MALRD1: variants seen among roughly 807,000 people sequenced by gnomAD.
The protein encoded by MALRD1 is MAM and LDL-receptor class A domain-containing protein 1.
MALRD1 carries 247 observed loss-of-function variants against 242.1 expected under a neutral mutation model. The observed-to-expected ratio is 1.02, with a 90% CI of 0.92 to 1.13. The LOEUF is 1.13. MALRD1 is among the 50% of genes most tolerant of loss of function. MALRD1 has a pLI of 0.00. For missense variants in MALRD1, 2,989 were observed against 2,533.1 expected, an observed-to-expected ratio of 1.18 and a Z score of -3.86; for synonymous variants, 995 against 866.6, an observed-to-expected ratio of 1.15 and a Z score of -2.60.
chr10:19,641,832 A>G (rs1840396486), intron 36 of MALRD1, among the ~76,000 whole-genome samples: 1 of 152,176 alleles, frequency 6.6e-6, no homozygotes, highest in African/African-American at 2.4e-5. Context: ...GCTTCCCCAG[A>G]GTGAAATTGT....
chr10:19,695,950 A>G (rs926955799), intron 38 of MALRD1, among the ~76,000 whole-genome samples: 1 of 152,202 alleles, frequency 6.6e-6, no homozygotes, highest in Non-Finnish European at 1.5e-5. Flanking sequence ...ACTCACTCCC[A>G]TGATTCAATT....
rs368364089 is a variant in MALRD1, at chr10:19,437,049, T to G, written c.4846-13258T>G. ...ATTTGAGGGGGAATATAATGATTCT[T>G]CAAACACTGAAAGTGCAACAAATAT... is the stretch of plus-strand genomic sequence containing the variant. On this transcript the variant is annotated intron_variant, in intron 28 of 39. Transcript: ENST00000454679. Among the ~76,000 whole-genome samples the G allele has an allele frequency of 7.9e-5, 12 of 151,340 alleles. No individual in the cohort carries two copies. In the East Asian group the frequency reaches 2.3e-3, roughly 29 times the overall value.
chr10:19,609,225 T>C (rs1273114464), intron 35 of MALRD1, among the ~76,000 whole-genome samples: 2 of 152,112 alleles, frequency 1.3e-5, no homozygotes, highest in Admixed American at 6.6e-5. Context: ...TCACCAGTCA[T>C]GTTTACAGTT....
chr10:19,422,761 A>G (rs1455084165), intron 28 of MALRD1, among the ~76,000 whole-genome samples: 1 of 152,128 alleles, frequency 6.6e-6, no homozygotes, highest in Admixed American at 6.5e-5. Flanking sequence ...TTCCCCCTCA[A>G]TGGGGAAAGT....
At chr10:19,361,393 G>A (rs1189207833) in intron 26 of MALRD1, among the ~76,000 whole-genome samples, 1 of 152,040 alleles carries the variant, frequency 6.6e-6, no homozygotes, top group East Asian at 1.9e-4. Context: ...AAGGGGTCTG[G>A]TTCCCATCCC....
At chr10:19,204,845 T>C in intron 16 of MALRD1, 53 bp from the exon 17 acceptor site, 1 of 1,456,348 alleles carries the variant, frequency 6.9e-7, no homozygotes, top group Non-Finnish European at 9.1e-7. Flanking sequence ...AAAGGTTAAA[T>C]ATGTAGTCTA....
chr10:19,588,643 T>C lies in MALRD1; in HGVS notation c.5681-6551T>C, dbSNP rs555936038. Among the ~76,000 whole-genome samples, 9 of 152,312 alleles carry C rather than the reference T, an allele frequency of 5.9e-5. No homozygotes were observed. In the South Asian group the frequency reaches 1.9e-3, roughly 32 times the overall value. ...CCCTAAATTCTAAAGCAACATTTCT[T>C]ATTTACTCATGTATGTAGAGACGGA... On this transcript the variant is annotated intron_variant, in intron 33 of 39. Transcript: ENST00000454679.
chr10:19,095,790 C>G (rs1331520506), intron 4 of MALRD1, among the ~76,000 whole-genome samples: 2 of 152,120 alleles, frequency 1.3e-5, no homozygotes, highest in Non-Finnish European at 2.9e-5. Context: ...ATTTCTTAAA[C>G]TTCTCAATTC....
chr10:19,095,667 C>T (rs574588920), intron 4 of MALRD1, among the ~76,000 whole-genome samples: 27 of 152,214 alleles, frequency 1.8e-4, no homozygotes, highest in African/African-American at 6.3e-4. Flanking sequence ...GCCCTGAAGA[C>T]GTCTGTGACT....
chr10:19,175,278 A>G lies in MALRD1; in HGVS notation c.1901A>G (p.Glu634Gly). ...VALDDISVSQECEISYKSLPR... is the reference protein window; with the variant it reads ...VALDDISVSQGCEISYKSLPR... ...CTAGATGACATCAGTGTGTCCCAGG[A>G]ATGTGAAATTTCCTATAAATCACTA... Residue 634 changes from glutamate (E) to glycine (G), a missense_variant, in exon 14 of 40, where the codon GAA becomes GGA. Coordinates refer to ENST00000454679, the MANE Select transcript of MALRD1 (RefSeq NM_001142308.3). 8.1e-7 allele frequency: 1 copy of G among 1,230,654 alleles called. No homozygotes were observed. The highest frequency in any genetic ancestry group is 1.0e-6 in the Non-Finnish European group (1 of 987,332). 76.2% of individuals were successfully genotyped at this position (1,230,654 alleles called of 1,614,324 possible). A position where few individuals can be genotyped will look rare whatever the true frequency, so the allele number is the denominator to read the frequency against.
At position 19,222,457 on chromosome 10, in the gene MALRD1, C is replaced by T. The variant is rs1018085928; in HGVS notation, c.2991+12777C>T. 2.0e-5 allele frequency among the ~76,000 whole-genome samples: 3 copies of T among 152,214 alleles called. No individual in the cohort carries two copies. The East Asian group carries it at 5.8e-4, about 29-fold the overall frequency. ...ACTGGATATGCTAACAGCAGCCTGGCTAGCCTCCACTTCACAAGGAAGTAT... is the reference window on the plus strand; with the variant it reads ...ACTGGATATGCTAACAGCAGCCTGGTTAGCCTCCACTTCACAAGGAAGTAT... On this transcript the variant is annotated intron_variant, in intron 18 of 39. Transcript: ENST00000454679.
At chr10:19,198,785 G>A (rs765309574) in intron 14 of MALRD1, among the ~76,000 whole-genome samples, 2 of 152,136 alleles carry the variant, frequency 1.3e-5, no homozygotes, top group Non-Finnish European at 2.9e-5. Context: ...TTTTAAAAGA[G>A]TTAATTATTT....
intron 29 of MALRD1, among the ~76,000 whole-genome samples, chr10:19,473,692 A>G (rs1355989238): frequency 2.6e-5 from 4 of 152,022 alleles, no homozygotes; most frequent in African/African-American, 7.2e-5. Flanking sequence ...ATAATGTTCT[A>G]TTGTATGCAT....
intron 30 of MALRD1, among the ~76,000 whole-genome samples, chr10:19,491,846 C>T (rs1837508279): frequency 6.6e-6 from 1 of 152,038 alleles, no homozygotes; most frequent in Admixed American, 6.5e-5. Flanking sequence ...ATATTCTTTA[C>T]CCCATACTGA....
At chr10:19,273,972 T>C (rs779533392) in intron 19 of MALRD1, among the ~76,000 whole-genome samples, 14 of 152,230 alleles carry the variant, frequency 9.2e-5, no homozygotes, top group Non-Finnish European at 1.6e-4. Context: ...ATCCAAATAA[T>C]GAAAAATAGC....
intron 26 of MALRD1, among the ~76,000 whole-genome samples, chr10:19,387,211 A>G (rs1846116740): frequency 1.3e-5 from 2 of 152,050 alleles, no homozygotes; most frequent in African/African-American, 4.8e-5. Flanking sequence ...TGGCTCTCAG[A>G]TATAATTTAC....
intron 27 of MALRD1, chr10:19,389,224 G>A (rs186329120): frequency 1.6e-6 from 1 of 643,060 alleles, no homozygotes; most frequent in Non-Finnish European, 2.9e-6. Context: ...CATCAGATCA[G>A]TTAATCTGCA....
intron 18 of MALRD1, among the ~76,000 whole-genome samples, chr10:19,230,778 T>C (rs1189650546): frequency 6.6e-6 from 1 of 152,206 alleles, no homozygotes; most frequent in Admixed American, 6.5e-5. Flanking sequence ...TAAAGGTTCT[T>C]AAAAGCAAAT....
chr10:19,064,031 G>T (rs1218899448), intron 1 of MALRD1, among the ~76,000 whole-genome samples: 1 of 151,920 alleles, frequency 6.6e-6, no homozygotes, highest in Non-Finnish European at 1.5e-5. Context: ...GAATTCTTTA[G>T]GGGTTCTATA....
Sources: allele counts gnomAD v4.1 joint callset (sites outside exome capture counted in the v4.1 genomes callset), GRCh38; gene constraint gnomAD v4.1.1; transcripts MANE v1.5; gene names NCBI Gene and HGNC (gene_info 2026-07-23, HGNC 2026-07-21).